Variants in ATP6V1F observed in about 807,000 individuals in gnomAD.
ATP6V1F encodes ATPase H+ transporting V1 subunit F.
In ATP6V1F, 4 loss-of-function variants were observed where a neutral mutation model predicts 6.6. That is an observed-to-expected ratio of 0.60 (90% CI 0.30 to 1.38). The LOEUF is 1.38. Ranked by LOEUF, ATP6V1F falls within the 40% of genes most tolerant of loss-of-function variation. The probability of loss-of-function intolerance (pLI) is 0.08; values close to 1 mark genes in which losing one functional copy is unlikely to be tolerated. For synonymous variants in ATP6V1F, 68 were observed against 66.9 expected, an observed-to-expected ratio of 1.02 and a Z score of -0.08; for missense variants, 136 against 165.5, an observed-to-expected ratio of 0.82 and a Z score of 0.98.
chr7:128,865,104 C>T lies in ATP6V1F; in HGVS notation c.159-273C>T, dbSNP rs1411891937. 2 of 1,533,038 alleles carry T rather than the reference C, an allele frequency of 1.3e-6. No individual in the cohort carries two copies. The highest frequency in any genetic ancestry group is 1.7e-6 in the Non-Finnish European group (2 of 1,143,948). The allele number at this position is 1,533,038 out of a possible 1,614,324, so 95.0% of individuals were successfully genotyped here. A position where few individuals can be genotyped will look rare whatever the true frequency, so the allele number is the denominator to read the frequency against. On this transcript the variant is annotated intron_variant, in intron 1 of 1. Coordinates refer to ENST00000249289, the MANE Select transcript of ATP6V1F (RefSeq NM_004231.4). This position sits in a 1 kb window ranked among gnomAD's most constrained non-coding sequence, Gnocchi z 4.4. ...TGAATACACCAGTGTGCACCCTAATCAATCTTCATTACCAGTTCACTTGGA... is the reference window on the plus strand; with the variant it reads ...TGAATACACCAGTGTGCACCCTAATTAATCTTCATTACCAGTTCACTTGGA...
Position 128,863,310 on chromosome 7 carries a change from C to T in ATP6V1F, c.158+248C>T, listed in dbSNP as rs544580311. ...AGAAGGGGAACAGAGCTCGTGACAG[C>T]CTAGACAGTGGGCTTGGACTTTGTT... On this transcript the variant is annotated intron_variant, in intron 1 of 1. Coordinates refer to ENST00000249289, the MANE Select transcript of ATP6V1F (RefSeq NM_004231.4). Among the ~76,000 whole-genome samples the T allele has an allele frequency of 7.2e-5, 11 of 152,330 alleles. No individual in the cohort carries two copies. In the East Asian group the frequency reaches 2.1e-3, roughly 29 times the overall value.
chr7:128,864,515 C>T (rs1809340549), intron 1 of ATP6V1F, among the ~76,000 whole-genome samples: 1 of 152,122 alleles, frequency 6.6e-6, no homozygotes, highest in African/African-American at 2.4e-5. Flanking sequence ...CCACCACCCT[C>T]ATCAGGATAG....
chr7:128,864,867 A>C (rs1025232117), intron 1 of ATP6V1F: 11 of 461,518 alleles, frequency 2.4e-5, no homozygotes, highest in African/African-American at 1.9e-4. Context: ...ATAGATAGAG[A>C]GAGAGAGAGA....
intron 1 of ATP6V1F, chr7:128,864,978 C>G: frequency 1.3e-6 from 1 of 743,948 alleles, no homozygotes; most frequent in Non-Finnish European, 2.2e-6. Context: ...GCTGGGATTA[C>G]AGGCGTGAGC....
At chr7:128,864,823 C>T (rs1044258317) in intron 1 of ATP6V1F, 16 of 336,040 alleles carry the variant, frequency 4.8e-5, no homozygotes, top group South Asian at 3.3e-4. Flanking sequence ...TAGATAGATC[C>T]GCCACATCCA....
intron 1 of ATP6V1F, chr7:128,864,862 T>C: frequency 2.4e-6 from 1 of 416,712 alleles, no homozygotes; most frequent in Non-Finnish European, 4.5e-6. Context: ...TATATATAGA[T>C]AGAGAGAGAG....
At chr7:128,863,140 C>T in intron 1 of ATP6V1F, 78 bp downstream of exon 1, 1 of 1,500,432 alleles carries the variant, frequency 6.7e-7, no homozygotes, top group Admixed American at 2.1e-5. Context: ...GCTGCCCGGA[C>T]GGGGGTGAGG....
rs963342141 is a variant in ATP6V1F, at chr7:128,863,137, G to C, written c.158+75G>C. The C allele has an allele frequency of 2.6e-6, 4 of 1,536,400 alleles. No individual in the cohort carries two copies. The African/African-American group carries it at 5.7e-5, about 22-fold the overall frequency. On this transcript the variant is annotated intron_variant, in intron 1 of 1. Coordinates refer to ENST00000249289, the MANE Select transcript of ATP6V1F (RefSeq NM_004231.4). ...TGCGGGGCGAGGCTGGAGGCTGCCC[G>C]GACGGGGGTGAGGGGACGATCCTGA...
Position 128,863,079 on chromosome 7 carries a change from G to A in ATP6V1F, c.158+17G>A. The stretch of plus-strand genomic sequence containing the variant: ...CACTTTCCGGTACGGTACCGCGCGA[G>A]GCCTGAACGGGCCCTTCTGCTGCTC... On this transcript the variant is annotated intron_variant, in intron 1 of 1. Transcript: ENST00000249289. 1 of 1,600,288 alleles carries A rather than the reference G, an allele frequency of 6.2e-7. No homozygotes were observed. Among genetic ancestry groups the A allele is most frequent in the Non-Finnish European group, 8.5e-7 (1 of 1,174,174 alleles).
At chr7:128,863,565 A>T (rs527795753) in intron 1 of ATP6V1F, among the ~76,000 whole-genome samples, 1 of 152,308 alleles carries the variant, frequency 6.6e-6, no homozygotes, top group South Asian at 2.1e-4. Context: ...ATTTCCTTGT[A>T]GTCTTGAGCA....
Position 128,862,996 on chromosome 7 carries a change from AC to A in ATP6V1F, c.94del (p.Arg32AlafsTer25). ...GGCGGCATAGGGGAGCTTAACAAGA[AC>A]CGCCATCCCAATTTCCTGGTGGTGG... ...LLGGIGELNK[N>X]RHPNFLVVEK... On this transcript the variant is annotated frameshift_variant, in exon 1 of 2. Coordinates refer to ENST00000249289, the MANE Select transcript of ATP6V1F (RefSeq NM_004231.4). LOFTEE classifies it high-confidence loss of function. 4 of 1,613,622 alleles carry A rather than the reference AC, an allele frequency of 2.5e-6. No individual in the cohort carries two copies. Among genetic ancestry groups the A allele is most frequent in the Non-Finnish European group, 3.4e-6 (4 of 1,179,788 alleles).
At chr7:128,864,927 T>C in intron 1 of ATP6V1F, 2 of 582,466 alleles carry the variant, frequency 3.4e-6, no homozygotes, top group Non-Finnish European at 6.2e-6. Context: ...GGTCTCAAAC[T>C]CCTGGGTTCA....
intron 1 of ATP6V1F, among the ~76,000 whole-genome samples, chr7:128,863,933 G>A (rs540351110): frequency 6.6e-6 from 1 of 152,320 alleles, no homozygotes; most frequent in South Asian, 2.1e-4. Context: ...CATGGGAGAA[G>A]GACAAATTTT....
intron 1 of ATP6V1F, 81 bp downstream of exon 1, chr7:128,863,143 G>C (rs2128941610): frequency 6.6e-7 from 1 of 1,522,148 alleles, no homozygotes; most frequent in Non-Finnish European, 8.8e-7. Context: ...GCCCGGACGG[G>C]GGTGAGGGGA....
intron 1 of ATP6V1F, among the ~76,000 whole-genome samples, chr7:128,864,668 G>A (rs1010356398): frequency 2.6e-4 from 39 of 148,992 alleles, no homozygotes; most frequent in African/African-American, 8.7e-4. Context: ...TGGCGTGATC[G>A]CAGCTCACTG....
At chr7:128,863,118 G>A (rs1809305617) in intron 1 of ATP6V1F, 56 bp downstream of exon 1, 1 of 1,576,226 alleles carries the variant, frequency 6.3e-7, no homozygotes, top group Non-Finnish European at 8.6e-7. Flanking sequence ...GGAGTGCGGG[G>A]CGAGGCTGGA....
chr7:128,865,392 G>C lies in ATP6V1F; in HGVS notation c.174G>C (p.Arg58=), dbSNP rs1305307483. The stretch of plus-strand genomic sequence containing the variant: ...CTCCCCACAGGCAATTTCTAAACCG[G>C]GATGACATTGGCATCATCCTCATCA... The part of the protein sequence containing the change: ...IEDTFRQFLN[R]DDIGIILINQ... The change falls in exon 2 of 2, where the codon CGG becomes CGC. Residue 58 remains arginine (R), a synonymous_variant. Transcript: ENST00000249289. The surrounding 1 kb of genome is among the most constrained non-coding windows in gnomAD (Gnocchi z 4.4). 4 of 1,613,978 alleles carry C rather than the reference G, an allele frequency of 2.5e-6. No homozygotes were observed. The highest frequency in any genetic ancestry group is 3.4e-6 in the Non-Finnish European group (4 of 1,180,046).
Position 128,865,220 on chromosome 7 carries a change from G to T in ATP6V1F, c.159-157G>T. ...TGATTCTAGGTAGGGTTGACAGAGGGTTGAGCGTGGCAGCCTTTCCCCTTG... is the reference window on the plus strand; with the variant it reads ...TGATTCTAGGTAGGGTTGACAGAGGTTTGAGCGTGGCAGCCTTTCCCCTTG... On this transcript the variant is annotated intron_variant, in intron 1 of 1. Transcript: ENST00000249289. The surrounding 1 kb of genome is among the most constrained non-coding windows in gnomAD (Gnocchi z 4.4). 1 of 1,541,360 alleles carries T rather than the reference G, an allele frequency of 6.5e-7. No individual in the cohort carries two copies. The highest frequency in any genetic ancestry group is 8.7e-7 in the Non-Finnish European group (1 of 1,146,906).
intron 1 of ATP6V1F, among the ~76,000 whole-genome samples, chr7:128,864,355 A>G (rs985760569): frequency 6.6e-6 from 1 of 152,140 alleles, no homozygotes. Context: ...AAAAATAAAA[A>G]TAAAATAAAC....
Sources: gnomAD v4.1 joint callset for allele counts (sites outside exome capture counted in the v4.1 genomes callset) on GRCh38, gnomAD v4.1.1 for gene constraint, Gnocchi (gnomAD v3.1) non-coding constraint, MANE v1.5 for transcripts, NCBI Gene and HGNC (gene_info 2026-07-23, HGNC 2026-07-21) for gene names.